The following RAB37 variants were observed in gnomAD, a reference collection of about 807,000 sequenced individuals.
RAB37 encodes ras-related protein Rab-37.
A neutral mutation model predicts 33.1 loss-of-function variants in RAB37; 29 were observed. The observed-to-expected ratio is 0.88, with a 90% CI of 0.65 to 1.20. RAB37 has a LOEUF of 1.20. Among genes scored for constraint, RAB37 ranks in the 50% most tolerant of loss-of-function variants. The pLI is 0.00. For missense variants in RAB37, 299 were observed against 301.1 expected, an observed-to-expected ratio of 0.99 and a Z score of 0.05; for synonymous variants, 128 against 119.5, an observed-to-expected ratio of 1.07 and a Z score of -0.47.
At chr17:74,717,808 TAAAAAAAAA>T (rs34747683) in intron 1 of RAB37, among the ~76,000 whole-genome samples, 1 of 92,076 alleles carries the variant, frequency 1.1e-5, no homozygotes, top group Admixed American at 1.2e-4. Flanking sequence ...AAACTCCATC[TAAAAAAAAA>T]AAAAAAAAAA....
chr17:74,685,124 G>T (rs931362105), intron 1 of RAB37, among the ~76,000 whole-genome samples: 2 of 151,490 alleles, frequency 1.3e-5, no homozygotes, highest in Admixed American at 6.6e-5. Context: ...AAAAAAGAAG[G>T]CTCCTATAGG....
At chr17:74,732,259 G>C (rs1034156610), upstream of RAB37, among the ~76,000 whole-genome samples, 1 of 152,178 alleles carries the variant, frequency 6.6e-6, no homozygotes, top group South Asian at 2.1e-4. Flanking sequence ...CACGTGGGGG[G>C]CCCAGAATCT....
intron 1 of RAB37, among the ~76,000 whole-genome samples, chr17:74,690,287 A>C (rs2032135594): frequency 6.6e-6 from 1 of 151,988 alleles, no homozygotes. Context: ...AATAATTCAA[A>C]AACCAAGAAG....
At chr17:74,718,150 T>C (rs1044543364) in intron 1 of RAB37, among the ~76,000 whole-genome samples, 1 of 151,922 alleles carries the variant, frequency 6.6e-6, no homozygotes, top group African/African-American at 2.4e-5. Flanking sequence ...TACAATTAGC[T>C]GGGCATGGTG....
At chr17:74,692,516 T>A (rs1385373086) in intron 1 of RAB37, among the ~76,000 whole-genome samples, 5 of 152,124 alleles carry the variant, frequency 3.3e-5, no homozygotes, top group African/African-American at 1.2e-4. Flanking sequence ...TGATATGGAC[T>A]GCTAAACATG....
In RAB37 at chr17:74,730,422, T is replaced by A. The variant is rs2034370207; in HGVS notation, c.183+1056T>A. ...GGAAGGCAGGGGTTCAGAATGAACATGGCTTCTGCATGACCTTCCAGGAGG... is the reference window on the plus strand; with the variant it reads ...GGAAGGCAGGGGTTCAGAATGAACAAGGCTTCTGCATGACCTTCCAGGAGG... On this transcript the variant is annotated intron_variant, in intron 2 of 7. Transcript: ENST00000340415. This position sits in a 1 kb window ranked among gnomAD's most constrained non-coding sequence, Gnocchi z 4.4. 6.6e-6 allele frequency among the ~76,000 whole-genome samples: 1 copy of A among 152,170 alleles called. No homozygotes were observed. Among genetic ancestry groups the A allele is most frequent in the Non-Finnish European group, 1.5e-5 (1 of 68,022 alleles).
intron 1 of RAB37, chr17:74,712,929 C>T (rs2034076174): frequency 1.3e-6 from 2 of 1,539,368 alleles, no homozygotes; most frequent in South Asian, 2.3e-5. Flanking sequence ...AAACTACAGA[C>T]TCCCAGCCTT....
chr17:74,681,354 G>T (rs1006198931), intron 1 of RAB37, among the ~76,000 whole-genome samples: 1 of 152,226 alleles, frequency 6.6e-6, no homozygotes, highest in Non-Finnish European at 1.5e-5. Context: ...AGGTCAGAGG[G>T]CTCTGAGCCC....
chr17:74,695,186 C>T (rs887241336), intron 1 of RAB37: 6 of 1,613,954 alleles, frequency 3.7e-6, no homozygotes, highest in African/African-American at 1.3e-5. Context: ...TGCAGTAGGT[C>T]GGTTCCTGAT....
At chr17:74,721,806 T>G (rs1457100876) in intron 1 of RAB37, among the ~76,000 whole-genome samples, 1 of 152,170 alleles carries the variant, frequency 6.6e-6, no homozygotes, top group Non-Finnish European at 1.5e-5. Context: ...TGATAGATAT[T>G]GTCAGTTGCT....
At position 74,671,432 on chromosome 17, in the gene RAB37, C is replaced by A; in HGVS notation, c.-155C>A. 1 of 654,174 alleles carries A rather than the reference C, an allele frequency of 1.5e-6. No homozygotes were observed. The highest frequency in any genetic ancestry group is 2.6e-6 in the Non-Finnish European group (1 of 384,262). The allele number at this position is 654,174 out of a possible 1,614,324, so 40.5% of individuals were successfully genotyped here. On this transcript the variant is annotated 5_prime_UTR_variant, in exon 1 of 8. Coordinates refer to the RAB37 transcript ENST00000340415. The surrounding 1 kb of genome is among the most constrained non-coding windows in gnomAD (Gnocchi z 5.0). ...CTGCCCGCCTGGTACCGCGCCGCGG[C>A]CGCTGCGGGGAACTGTCCAGTGCTG...
intron 1 of RAB37, among the ~76,000 whole-genome samples, chr17:74,683,407 G>A (rs758586330): frequency 3.9e-5 from 6 of 152,184 alleles, no homozygotes; most frequent in Non-Finnish European, 8.8e-5. Context: ...CTATGGAGAC[G>A]CCTGAATTTT....
chr17:74,684,363 G>C (rs927753791), intron 1 of RAB37, among the ~76,000 whole-genome samples: 1 of 151,438 alleles, frequency 6.6e-6, no homozygotes, highest in Non-Finnish European at 1.5e-5. Context: ...AAAGTGCTGG[G>C]ATTATAGGCG....
At chr17:74,702,723 G>A (rs1345246578) in intron 1 of RAB37, among the ~76,000 whole-genome samples, 2 of 152,104 alleles carry the variant, frequency 1.3e-5, no homozygotes, top group Non-Finnish European at 2.9e-5. Context: ...AGCTCCACGG[G>A]GACAGTCCAT....
intron 1 of RAB37, among the ~76,000 whole-genome samples, chr17:74,684,351 C>T (rs969218297): frequency 1.3e-5 from 2 of 151,670 alleles, no homozygotes; most frequent in African/African-American, 4.8e-5. Context: ...CCTCAGTCTC[C>T]CAAAGTGCTG....
Position 74,742,772 on chromosome 17 carries a change from C to T in RAB37, c.247-357C>T, listed in dbSNP as rs918633651. 1.3e-5 allele frequency among the ~76,000 whole-genome samples: 2 copies of T among 152,038 alleles called. No individual in the cohort carries two copies. The highest frequency in any genetic ancestry group is 2.4e-5 in the African/African-American group (1 of 41,382). ...TCCTGAGTAGCTGAGACTACAGGTG[C>T]ATGCCACCACACCTGGCTAATTTTT... is the stretch of plus-strand genomic sequence containing the variant. On this transcript the variant is annotated intron_variant, in intron 3 of 8. Coordinates refer to ENST00000392613, the MANE Select transcript of RAB37 (RefSeq NM_001006638.3). This position sits in a 1 kb window ranked among gnomAD's most constrained non-coding sequence, Gnocchi z 4.0.
intron 1 of RAB37, among the ~76,000 whole-genome samples, chr17:74,693,345 G>A (rs1443118379): frequency 1.3e-5 from 2 of 152,220 alleles, no homozygotes; most frequent in Admixed American, 6.5e-5. Context: ...GGATGGAGTT[G>A]GGGGTGAAGG....
In RAB37 at chr17:74,704,139, C is replaced by G. The variant is rs1002444759; in HGVS notation, c.73-25117C>G. Among the ~76,000 whole-genome samples the G allele has an allele frequency of 3.9e-5, 6 of 152,322 alleles. No individual in the cohort carries two copies. The East Asian group carries it at 1.2e-3, about 29-fold the overall frequency. On this transcript the variant is annotated intron_variant, in intron 1 of 7. Transcript: ENST00000340415. The stretch of plus-strand genomic sequence containing the variant: ...CTGGGCACCAGAGGTCTCCAAAAAG[C>G]AATGGCAAGGACTGGGGTCTCTGGG...
upstream of RAB37, among the ~76,000 whole-genome samples, chr17:74,732,518 G>A (rs2034397874): frequency 1.3e-5 from 2 of 150,342 alleles, no homozygotes; most frequent in Admixed American, 1.3e-4. Flanking sequence ...GGTGTGTGGT[G>A]TGATTTGAGG....
Sources: allele counts gnomAD v4.1 joint callset (sites outside exome capture counted in the v4.1 genomes callset), GRCh38; gene constraint gnomAD v4.1.1; non-coding constraint Gnocchi (gnomAD v3.1); transcripts MANE v1.5; gene names NCBI Gene and HGNC (gene_info 2026-07-23, HGNC 2026-07-21).